Variants in PLA2G6 observed in about 807,000 individuals in gnomAD.
The protein encoded by PLA2G6 is 85/88 kDa calcium-independent phospholipase A2.
PLA2G6 carries 62 observed loss-of-function variants against 83.8 expected under a neutral mutation model. The observed-to-expected ratio is 0.74, with a 90% confidence interval of 0.60 to 0.91. The LOEUF (loss-of-function observed/expected upper bound fraction) is 0.91. PLA2G6 is among the 40% of genes least tolerant of loss of function. The pLI is 0.00. For missense variants in PLA2G6, 944 were observed against 1,102.0 expected (o/e 0.86, Z 2.03); for synonymous variants, 417 against 449.8 (o/e 0.93, Z 0.92).
intron 2 of PLA2G6, among the ~76,000 whole-genome samples, chr22:38,152,455 C>T (rs1410579959): frequency 1.6e-4 from 25 of 151,922 alleles, no homozygotes; most frequent in Admixed American, 3.9e-4. Context: ...GATCCACTCG[C>T]CTTGGCCACC....
intron 1 of PLA2G6, among the ~76,000 whole-genome samples, chr22:38,170,171 C>G (rs2090381663): frequency 6.8e-6 from 1 of 147,684 alleles, no homozygotes; most frequent in African/African-American, 2.5e-5. Context: ...GCACTCCAGC[C>G]TGGGCGATAG....
chr22:38,117,353 G>A (rs986504367), intron 12 of PLA2G6, among the ~76,000 whole-genome samples: 109 of 152,088 alleles, frequency 7.2e-4, no homozygotes, highest in African/African-American at 2.2e-3. Flanking sequence ...GACTACAGGC[G>A]CCCGCCACCA....
chr22:38,168,833 G>A (rs1465887704), intron 2 of PLA2G6, among the ~76,000 whole-genome samples: 1 of 152,128 alleles, frequency 6.6e-6, no homozygotes, highest in Non-Finnish European at 1.5e-5. Flanking sequence ...CTGGGCAACA[G>A]AGCAAGACTG....
At chr22:38,127,160 C>CA in intron 9 of PLA2G6, 2 of 1,159,618 alleles carry the variant, frequency 1.7e-6, no homozygotes, top group Non-Finnish European at 2.2e-6. Flanking sequence ...AGCCCCCCAC[C>CA]ACTGTGCAGA....
chr22:38,152,009 T>G (rs1045784587), intron 2 of PLA2G6, among the ~76,000 whole-genome samples: 2 of 152,194 alleles, frequency 1.3e-5, no homozygotes, highest in Non-Finnish European at 2.9e-5. Context: ...GAAGGTAGCC[T>G]GGAACAAAGG....
chr22:38,160,569 G>A (rs980760441), intron 2 of PLA2G6, among the ~76,000 whole-genome samples: 13 of 152,292 alleles, frequency 8.5e-5, no homozygotes, highest in African/African-American at 2.6e-4. Context: ...TATCTTGGCC[G>A]GGGGCGGTGG....
Position 38,128,071 on chromosome 22 carries a change from G to A in PLA2G6, c.1348+198C>T, listed in dbSNP as rs2087976882. On this transcript the variant is annotated intron_variant, in intron 9 of 16. Transcript: ENST00000332509. The surrounding 1 kb of genome is among the most constrained non-coding windows in gnomAD (Gnocchi z 4.4). The stretch of plus-strand genomic sequence containing the variant: ...ATCCTCTCAGGGGCAACGGAGCATG[G>A]GACATCAGCCAGGGACACCCTAGGC... The A allele has an allele frequency of 1.6e-6, 1 of 608,102 alleles. No homozygotes were observed. The highest frequency in any genetic ancestry group is 2.9e-6 in the Non-Finnish European group (1 of 341,726). 37.7% of individuals were successfully genotyped at this position (608,102 alleles called of 1,614,324 possible).
At chr22:38,175,508 C>CA (rs1192043811) in intron 1 of PLA2G6, among the ~76,000 whole-genome samples, 1 of 152,222 alleles carries the variant, frequency 6.6e-6, no homozygotes, top group Non-Finnish European at 1.5e-5. Context: ...CAGAACACGT[C>CA]AAACTCGTGT....
intron 6 of PLA2G6, 114 bp from the exon 7 acceptor site, chr22:38,133,127 G>C (rs1024450047): frequency 9.8e-7 from 1 of 1,024,542 alleles, no homozygotes; most frequent in Non-Finnish European, 1.5e-6. Context: ...TGGGATGTTG[G>C]AAAGCGCTAG....
chr22:38,120,960 C>T, intron 11 of PLA2G6, 51 bp from the exon 12 acceptor site: 1 of 1,604,888 alleles, frequency 6.2e-7, no homozygotes, highest in South Asian at 1.1e-5. Flanking sequence ...ACACGCAGGG[C>T]TCCCGTAGAA....
chr22:38,161,752 C>T (rs2090020566), intron 2 of PLA2G6, among the ~76,000 whole-genome samples: 1 of 152,010 alleles, frequency 6.6e-6, no homozygotes. Flanking sequence ...AGCGAGACAG[C>T]AGCAGGGCTA....
In PLA2G6 at chr22:38,177,304, G is replaced by A. The variant is rs151157101; in HGVS notation, c.-46+4360C>T. Among the ~76,000 whole-genome samples the A allele has an allele frequency of 3.4e-3, 514 of 152,000 alleles. 6 individuals carry two copies. The highest frequency in any genetic ancestry group is 0.012 in the African/African-American group (492 of 41,478). ...GGCAGCCTCCCGGCAAAATGTCCCC[G>A]CAAATGTTCCCTCTGACCCCAGCTC... On this transcript the variant is annotated intron_variant, in intron 1 of 16. Transcript: ENST00000332509.
intron 5 of PLA2G6, 47 bp from the exon 6 acceptor site, chr22:38,135,131 G>A (rs753988852): frequency 2.1e-5 from 28 of 1,321,562 alleles, no homozygotes; most frequent in South Asian, 3.5e-5. Context: ...TAGGGTCTGC[G>A]TGGCGTGGGA....
intron 3 of PLA2G6, chr22:38,145,082 C>A: frequency 3.6e-6 from 1 of 280,752 alleles, no homozygotes; most frequent in South Asian, 3.4e-5. Flanking sequence ...CATTCTGTCA[C>A]CCAGGCTGAA....
chr22:38,132,821 C>T lies in PLA2G6; in HGVS notation c.1077+10G>A, dbSNP rs1269062786. On this transcript the variant is annotated intron_variant, in intron 7 of 16. Coordinates refer to ENST00000332509, the MANE Select transcript of PLA2G6 (RefSeq NM_003560.4). This position sits in a 1 kb window ranked among gnomAD's most constrained non-coding sequence, Gnocchi z 5.0. ...GCCCCACAGGGCAGGACACGCGGTC[C>T]TGGGCTCACCGACATGGCCAGGTGC... The T allele has an allele frequency of 6.5e-7, 1 of 1,542,946 alleles. No individual in the cohort carries two copies. Among genetic ancestry groups the T allele is most frequent in the Admixed American group, 2.0e-5 (1 of 51,124 alleles).
chr22:38,176,131 C>G (rs1555882915), intron 1 of PLA2G6, among the ~76,000 whole-genome samples: 1 of 152,200 alleles, frequency 6.6e-6, no homozygotes, highest in Non-Finnish European at 1.5e-5. Flanking sequence ...AGCACCTGCA[C>G]TCCTTCAGGA....
chr22:38,115,569 G>A lies in PLA2G6; in HGVS notation c.1992C>T (p.Ala664=), dbSNP rs751614625. The change falls in exon 14 of 17, where the codon GCC becomes GCT. Residue 664 remains alanine, a synonymous_variant. Transcript: ENST00000332509. ...GLLANNPTLD[A]MTEIHEYNQD... Reference sequence around the variant, plus strand: ...GATTGTACTCATGGATCTCGGTCATGGCATCCAGCGTGGGGTTGTTGGCCA... The same window carrying A: ...GATTGTACTCATGGATCTCGGTCATAGCATCCAGCGTGGGGTTGTTGGCCA... The A allele has an allele frequency of 8.7e-6, 14 of 1,613,628 alleles. No homozygotes were observed. In the Admixed American group the frequency reaches 2.0e-4, roughly 23 times the overall value.
chr22:38,178,551 C>CGATTTAA (rs1448476631), intron 1 of PLA2G6, among the ~76,000 whole-genome samples: 1 of 152,034 alleles, frequency 6.6e-6, no homozygotes, highest in Admixed American at 6.6e-5. Flanking sequence ...CCAGCCTGAG[C>CGATTTAA]GACAGTGAGA....
chr22:38,135,131 G>C (rs753988852), intron 5 of PLA2G6, 47 bp from the exon 6 acceptor site: 1 of 1,321,438 alleles, frequency 7.6e-7, no homozygotes, highest in Non-Finnish European at 1.1e-6. Context: ...TAGGGTCTGC[G>C]TGGCGTGGGA....
Sources: allele counts gnomAD v4.1 joint callset (sites outside exome capture counted in the v4.1 genomes callset), GRCh38; gene constraint gnomAD v4.1.1; non-coding constraint Gnocchi (gnomAD v3.1); transcripts MANE v1.5; gene names NCBI Gene and HGNC (gene_info 2026-07-23, HGNC 2026-07-21).